Variants in CNTN4 observed in about 807,000 individuals in gnomAD.
CNTN4 encodes contactin-4.
A neutral mutation model predicts 122.5 loss-of-function variants in CNTN4; 77 were observed. The observed-to-expected ratio is 0.63, with a 90% CI of 0.52 to 0.76. The LOEUF (loss-of-function observed/expected upper bound fraction) is 0.76, where lower values mean the gene tolerates loss of function less well. CNTN4 is among the 30% of genes least tolerant of loss of function. The probability of loss-of-function intolerance (pLI) is 0.00; values close to 1 mark genes in which losing one functional copy is unlikely to be tolerated. For missense variants in CNTN4, 1,256 were observed against 1,259.1 expected (o/e 1.00, Z 0.04); for synonymous variants, 512 against 447.0 (o/e 1.15, Z -1.83).
intron 2 of CNTN4, among the ~76,000 whole-genome samples, chr3:2,260,154 C>A (rs562842696): frequency 2.0e-4 from 30 of 152,094 alleles, no homozygotes; most frequent in Non-Finnish European, 3.2e-4. Flanking sequence ...CTTTCTACCA[C>A]ATAATGTAGC....
At chr3:2,120,641 G>C (rs2033709762) in intron 2 of CNTN4, among the ~76,000 whole-genome samples, 1 of 151,498 alleles carries the variant, frequency 6.6e-6, no homozygotes, top group African/African-American at 2.4e-5. Context: ...GACCTTAGGT[G>C]ATCTGCCTGT....
chr3:2,538,703 A>G (rs2077910427), intron 3 of CNTN4, among the ~76,000 whole-genome samples: 2 of 151,940 alleles, frequency 1.3e-5, no homozygotes, highest in African/African-American at 4.8e-5. Flanking sequence ...AAGTTCTTAA[A>G]TTGGCTAATT....
chr3:2,372,903 C>G (rs1158542956), intron 3 of CNTN4, among the ~76,000 whole-genome samples: 3 of 152,064 alleles, frequency 2.0e-5, no homozygotes, highest in African/African-American at 7.2e-5. Context: ...CAAAAATTAG[C>G]CAGGCATGGT....
chr3:2,843,950 A>G (rs1476656232), intron 7 of CNTN4, among the ~76,000 whole-genome samples: 1 of 152,166 alleles, frequency 6.6e-6, no homozygotes, highest in Admixed American at 6.5e-5. Context: ...TCAGAAAAAA[A>G]TCCAAACCTC....
intron 6 of CNTN4, among the ~76,000 whole-genome samples, chr3:2,817,559 GT>G (rs1046742759): frequency 1.6e-4 from 25 of 152,174 alleles, no homozygotes; most frequent in Non-Finnish European, 2.5e-4. Context: ...CATGAATACA[GT>G]TTTTTAAAGC....
At chr3:3,049,228 G>A (rs1331258597) in intron 23 of CNTN4, among the ~76,000 whole-genome samples, 2 of 151,956 alleles carry the variant, frequency 1.3e-5, no homozygotes, top group Admixed American at 1.3e-4. Context: ...GACTACAGGC[G>A]CCCACCACCA....
chr3:2,320,807 T>A (rs544075571), intron 2 of CNTN4, among the ~76,000 whole-genome samples: 176 of 152,280 alleles, frequency 1.2e-3, no homozygotes, highest in African/African-American at 4.0e-3. Context: ...ATAATTTCTT[T>A]ATAGATTACC....
intron 3 of CNTN4, among the ~76,000 whole-genome samples, chr3:2,548,328 A>G (rs1325343676): frequency 1.3e-5 from 2 of 152,102 alleles, no homozygotes; most frequent in East Asian, 3.9e-4. Context: ...TAAGTCTTTA[A>G]TTTATCTCAA....
chr3:2,392,219 G>A (rs973649307), intron 3 of CNTN4, among the ~76,000 whole-genome samples: 4 of 152,148 alleles, frequency 2.6e-5, no homozygotes, highest in South Asian at 2.1e-4. Flanking sequence ...CAACTTTCAC[G>A]TCATCCCCTG....
chr3:2,329,377 T>A (rs1193535715), intron 2 of CNTN4, among the ~76,000 whole-genome samples: 1 of 152,206 alleles, frequency 6.6e-6, no homozygotes, highest in Non-Finnish European at 1.5e-5. Flanking sequence ...AGACCATGTT[T>A]CCTTCACTTC....
At chr3:2,156,389 T>A (rs142210326) in intron 2 of CNTN4, among the ~76,000 whole-genome samples, 1 of 152,136 alleles carries the variant, frequency 6.6e-6, no homozygotes, top group South Asian at 2.1e-4. Flanking sequence ...CAGAGTTCAT[T>A]GCAGCAATGG....
At chr3:2,854,897 C>A (rs1172134008) in intron 7 of CNTN4, among the ~76,000 whole-genome samples, 1 of 151,916 alleles carries the variant, frequency 6.6e-6, no homozygotes, top group East Asian at 1.9e-4. Flanking sequence ...TTTTTTCTTT[C>A]TTCACAGAAA....
chr3:2,144,442 G>T (rs958162688), intron 2 of CNTN4, among the ~76,000 whole-genome samples: 3 of 152,174 alleles, frequency 2.0e-5, no homozygotes, highest in Non-Finnish European at 4.4e-5. Flanking sequence ...GTTTCTAAAA[G>T]AGAAAGACAA....
chr3:2,614,316 C>G (rs552480609), intron 4 of CNTN4, among the ~76,000 whole-genome samples: 6 of 152,050 alleles, frequency 3.9e-5, no homozygotes, highest in Non-Finnish European at 7.4e-5. Context: ...GAGAGGTATG[C>G]GAAGACTAGA....
At chr3:2,527,124 G>C (rs1324200347) in intron 3 of CNTN4, among the ~76,000 whole-genome samples, 1 of 152,196 alleles carries the variant, frequency 6.6e-6, no homozygotes, top group East Asian at 1.9e-4. Flanking sequence ...CTTGGGCTTA[G>C]TGCTTTTTCT....
In CNTN4 at chr3:2,344,278, A is replaced by AT. The variant is rs4057746; in HGVS notation, c.-89+5061dup. ...CTGCCAAGGCCAAAGGCCAGGTCAA[A>AT]TTTTTTTTTTTTTTTTAGATGGCAT... On this transcript the variant is annotated intron_variant, in intron 3 of 24. Coordinates refer to ENST00000418658, the MANE Select transcript of CNTN4 (RefSeq NM_175607.3). Among the ~76,000 whole-genome samples, 1,264 of 145,890 alleles carry AT rather than the reference A, an allele frequency of 8.7e-3. 9 individuals carry two copies. Among genetic ancestry groups the AT allele is most frequent in the African/African-American group, 0.022 (876 of 39,542 alleles).
chr3:2,692,492 T>G (rs1366228932), intron 4 of CNTN4, among the ~76,000 whole-genome samples: 2 of 152,182 alleles, frequency 1.3e-5, no homozygotes, highest in African/African-American at 4.8e-5. Context: ...ATCTTTTCTA[T>G]TTTTCCTTTT....
intron 2 of CNTN4, among the ~76,000 whole-genome samples, chr3:2,286,236 G>GTC (rs2041897865): frequency 7.3e-6 from 1 of 136,518 alleles, no homozygotes; most frequent in African/African-American, 2.6e-5. Flanking sequence ...TACACCCCCT[G>GTC]CCCCCCCCAC....
At chr3:2,334,537 G>T (rs750909047) in intron 2 of CNTN4, among the ~76,000 whole-genome samples, 16 of 147,864 alleles carry the variant, frequency 1.1e-4, no homozygotes, top group Non-Finnish European at 1.9e-4. Flanking sequence ...ACTACAAGAG[G>T]TTATATAACT....
Sources: gnomAD v4.1 joint callset for allele counts (sites outside exome capture counted in the v4.1 genomes callset) on GRCh38, gnomAD v4.1.1 for gene constraint, MANE v1.5 for transcripts, NCBI Gene and HGNC (gene_info 2026-07-23, HGNC 2026-07-21) for gene names.